Variants in PDCD6IP observed in about 807,000 individuals in gnomAD.
PDCD6IP encodes programmed cell death 6-interacting protein.
Under a neutral mutation model 103.7 loss-of-function variants are expected in PDCD6IP, and 43 were observed. The ratio of observed to expected loss-of-function variants is 0.41; its 90% confidence interval spans 0.32 to 0.53. The LOEUF (loss-of-function observed/expected upper bound fraction) is 0.53. Ranked by LOEUF, PDCD6IP falls within the 20% of genes least tolerant of loss-of-function variation. PDCD6IP has a pLI of 0.16. For synonymous variants in PDCD6IP, 354 were observed against 378.7 expected, an observed-to-expected ratio of 0.93 and a Z score of 0.76; for missense variants, 871 against 1,036.7, an observed-to-expected ratio of 0.84 and a Z score of 2.20.
intron 10 of PDCD6IP, among the ~76,000 whole-genome samples, chr3:33,842,869 G>A (rs1209037493): frequency 6.6e-6 from 1 of 152,172 alleles, no homozygotes. Flanking sequence ...TGCATTTAGT[G>A]TTCAGTGAGT....
intron 15 of PDCD6IP, among the ~76,000 whole-genome samples, chr3:33,858,531 C>G (rs1354886166): frequency 6.6e-6 from 1 of 151,838 alleles, no homozygotes; most frequent in Non-Finnish European, 1.5e-5. Context: ...ACATATGCGG[C>G]CAGGCGCGGT....
At chr3:33,824,318 C>T (rs908528650) in intron 4 of PDCD6IP, among the ~76,000 whole-genome samples, 8 of 149,566 alleles carry the variant, frequency 5.3e-5, no homozygotes, top group Admixed American at 4.0e-4. Context: ...AGTACAATGG[C>T]GTGATCTTGG....
chr3:33,840,150 C>T (rs571626579), intron 9 of PDCD6IP, among the ~76,000 whole-genome samples: 154 of 136,052 alleles, frequency 1.1e-3, no homozygotes, highest in African/African-American at 4.1e-3. Flanking sequence ...TACCGATAAA[C>T]AGTCAATTAA....
intron 11 of PDCD6IP, 106 bp downstream of exon 11, chr3:33,844,329 T>A: frequency 1.7e-6 from 1 of 580,314 alleles, no homozygotes; most frequent in East Asian, 3.2e-5. Flanking sequence ...TTACCGAAAC[T>A]GTTTTTCCTC....
At chr3:33,808,619 T>C (rs1341494402) in intron 1 of PDCD6IP, among the ~76,000 whole-genome samples, 2 of 152,314 alleles carry the variant, frequency 1.3e-5, no homozygotes, top group Non-Finnish European at 2.9e-5. Flanking sequence ...GTGGACTCCA[T>C]TGATCCGTGC....
chr3:33,863,694 G>A (rs1337629607), intron 15 of PDCD6IP, among the ~76,000 whole-genome samples: 1 of 152,034 alleles, frequency 6.6e-6, no homozygotes, highest in East Asian at 1.9e-4. Flanking sequence ...TTCATATTTT[G>A]GCTGTTGGAA....
At chr3:33,816,223 G>T (rs1016091503) in intron 3 of PDCD6IP, among the ~76,000 whole-genome samples, 1 of 152,036 alleles carries the variant, frequency 6.6e-6, no homozygotes, top group African/African-American at 2.4e-5. Context: ...ATATCTCCGG[G>T]TGGCCGGGTG....
chr3:33,829,307 A>G lies in PDCD6IP; in HGVS notation c.834+338A>G, dbSNP rs377400626. On this transcript the variant is annotated intron_variant, in intron 7 of 17. Coordinates refer to ENST00000307296, the MANE Select transcript of PDCD6IP (RefSeq NM_013374.6). ...GTCTCATATTTTATCTGAAAAATTC[A>G]TGCAGAATTTGCATTCAGTTCTCTT... is the stretch of plus-strand genomic sequence containing the variant. 2.5e-4 allele frequency among the ~76,000 whole-genome samples: 38 copies of G among 152,256 alleles called. 1 individual carries two copies. The South Asian group carries it at 7.2e-3, about 29-fold the overall frequency.
chr3:33,855,873 C>A (rs190488268), intron 15 of PDCD6IP, among the ~76,000 whole-genome samples: 1 of 152,162 alleles, frequency 6.6e-6, no homozygotes, highest in Non-Finnish European at 1.5e-5. Context: ...ACAACAACAA[C>A]AAATGTAAGG....
At chr3:33,849,799 T>C (rs2125571286) in intron 12 of PDCD6IP, among the ~76,000 whole-genome samples, 1 of 152,356 alleles carries the variant, frequency 6.6e-6, no homozygotes, top group East Asian at 1.9e-4. Flanking sequence ...CAGTGCCTTA[T>C]AATCTGAAAT....
At chr3:33,842,592 T>G (rs1203907684) in intron 10 of PDCD6IP, among the ~76,000 whole-genome samples, 2 of 152,022 alleles carry the variant, frequency 1.3e-5, no homozygotes, top group Non-Finnish European at 2.9e-5. Flanking sequence ...TTATGGTGGC[T>G]TGTTTTCTCT....
chr3:33,844,591 C>G (rs772947835), intron 11 of PDCD6IP, among the ~76,000 whole-genome samples: 1 of 152,138 alleles, frequency 6.6e-6, no homozygotes, highest in Non-Finnish European at 1.5e-5. Flanking sequence ...GGCAATCCTT[C>G]TACCTCAACC....
At chr3:33,819,753 G>C (rs1696945862) in intron 3 of PDCD6IP, among the ~76,000 whole-genome samples, 1 of 152,220 alleles carries the variant, frequency 6.6e-6, no homozygotes, top group Non-Finnish European at 1.5e-5. Flanking sequence ...AGTGGTCAAT[G>C]CCTTGCACAT....
Position 33,818,279 on chromosome 3 carries a change from T to G in PDCD6IP, c.335-3676T>G, listed in dbSNP as rs183414860. Among the ~76,000 whole-genome samples the G allele has an allele frequency of 1.7e-3, 259 of 151,462 alleles. 1 individual carries two copies. The highest frequency in any genetic ancestry group is 5.7e-3 in the African/African-American group (234 of 41,308). Reference sequence around the variant, plus strand: ...TGCACCACCACGCCTGGCGAATTTTTGTATTTTTAGTAGAGACGGGGTTTC... The same window carrying G: ...TGCACCACCACGCCTGGCGAATTTTGGTATTTTTAGTAGAGACGGGGTTTC... On this transcript the variant is annotated intron_variant, in intron 3 of 17. Coordinates refer to ENST00000307296, the MANE Select transcript of PDCD6IP (RefSeq NM_013374.6).
chr3:33,803,042 T>G (rs1696511479), intron 1 of PDCD6IP, among the ~76,000 whole-genome samples: 1 of 152,228 alleles, frequency 6.6e-6, no homozygotes, highest in African/African-American at 2.4e-5. Context: ...TTTTCACCTT[T>G]TAGTAAATTT....
At chr3:33,824,747 C>A (rs1697074246) in intron 4 of PDCD6IP, among the ~76,000 whole-genome samples, 1 of 152,210 alleles carries the variant, frequency 6.6e-6, no homozygotes, top group Non-Finnish European at 1.5e-5. Context: ...TGCTGTTCCT[C>A]AGAGGACTAG....
intron 1 of PDCD6IP, among the ~76,000 whole-genome samples, chr3:33,803,657 A>AT (rs1006987753): frequency 4.6e-5 from 7 of 151,846 alleles, no homozygotes; most frequent in South Asian, 2.1e-4. Context: ...TGTAGTTAAC[A>AT]TTTTTTTTCT....
At chr3:33,840,030 C>T (rs1020288040) in intron 9 of PDCD6IP, among the ~76,000 whole-genome samples, 65 of 152,084 alleles carry the variant, frequency 4.3e-4, no homozygotes, top group Admixed American at 3.9e-4. Flanking sequence ...ATAGGTGACC[C>T]TGAACAACAT....
intron 6 of PDCD6IP, 185 bp downstream of exon 6, chr3:33,826,765 T>A: frequency 7.4e-7 from 1 of 1,354,372 alleles, no homozygotes; most frequent in Non-Finnish European, 9.5e-7. Flanking sequence ...TCTTTTATGT[T>A]TAGGGGATGC....
Sources: allele counts gnomAD v4.1 joint callset (sites outside exome capture counted in the v4.1 genomes callset), GRCh38; gene constraint gnomAD v4.1.1; transcripts MANE v1.5; gene names NCBI Gene and HGNC (gene_info 2026-07-23, HGNC 2026-07-21).